The following PRPSAP1 variants were observed in gnomAD, a reference collection of about 807,000 sequenced individuals.
The protein encoded by PRPSAP1 is phosphoribosyl pyrophosphate synthetase associated protein 1, also known as phosphoribosyl pyrophosphate synthase-associated protein 1.
In PRPSAP1, 31 loss-of-function variants were observed where a neutral mutation model predicts 39.4. The ratio of observed to expected loss-of-function variants is 0.79; its 90% CI spans 0.59 to 1.06. PRPSAP1 has a LOEUF of 1.06. Ranked by LOEUF, PRPSAP1 falls within the 50% of genes least tolerant of loss-of-function variation. The pLI, the probability that PRPSAP1 is intolerant of heterozygous loss-of-function variation, is 0.00. For missense variants in PRPSAP1, 430 were observed against 511.6 expected (o/e 0.84, Z 1.54); for synonymous variants, 212 against 192.6 (o/e 1.10, Z -0.83).
chr17:76,333,087 T>G (rs925378681), intron 3 of PRPSAP1, among the ~76,000 whole-genome samples: 3 of 151,564 alleles, frequency 2.0e-5, no homozygotes, highest in African/African-American at 7.3e-5. Flanking sequence ...GAGACGGGGT[T>G]TCACCATGTT....
intron 3 of PRPSAP1, among the ~76,000 whole-genome samples, chr17:76,333,515 C>T (rs1048722551): frequency 2.0e-5 from 3 of 151,886 alleles, no homozygotes; most frequent in Admixed American, 6.6e-5. Flanking sequence ...TGTGGTGGCA[C>T]GTGCCTGTAG....
At chr17:76,331,402 A>G (rs944632503) in intron 4 of PRPSAP1, among the ~76,000 whole-genome samples, 1 of 152,206 alleles carries the variant, frequency 6.6e-6, no homozygotes, top group African/African-American at 2.4e-5. Flanking sequence ...CGAAACACAG[A>G]CTGAAAAGGT....
At chr17:76,327,150 C>T (rs959067371) in intron 7 of PRPSAP1, among the ~76,000 whole-genome samples, 9 of 147,058 alleles carry the variant, frequency 6.1e-5, no homozygotes, top group Non-Finnish European at 1.5e-5. Context: ...CAGCTCGAGA[C>T]CAGCCTGACC....
At chr17:76,329,746 C>A (rs1330502494) in intron 6 of PRPSAP1, among the ~76,000 whole-genome samples, 1,526 of 141,604 alleles carry the variant, frequency 0.011, 31 homozygotes, top group African/African-American at 0.037. Context: ...AAAAAAAAAA[C>A]AAAAAAAAAA....
rs1038985430 is a variant in PRPSAP1, at chr17:76,329,574, A to C, written c.635+469T>G. 6.1e-4 allele frequency among the ~76,000 whole-genome samples: 92 copies of C among 152,062 alleles called. 2 individuals are homozygous for C. The highest frequency in any genetic ancestry group is 1.6e-4 in the Non-Finnish European group (11 of 67,998). On this transcript the variant is annotated intron_variant, in intron 6 of 9. Coordinates refer to ENST00000446526, the MANE Select transcript of PRPSAP1 (RefSeq NM_002766.3). ...ACATGGTGAAACCCCATCTCTACTA[A>C]AAATACAAAAAACTAGCCAGGAGTG...
rs192169656 is a variant in PRPSAP1, at chr17:76,353,867, A to T, written c.-164T>A. On this transcript the variant is annotated 5_prime_UTR_variant, in exon 1 of 10. Coordinates refer to ENST00000446526, the MANE Select transcript of PRPSAP1 (RefSeq NM_002766.3). ...TTGCGCACCCCACACCACTGACTAC[A>T]GCGGCCGAGCCTTCGCAGCGCCCGG... The T allele has an allele frequency of 3.2e-4, 426 of 1,320,360 alleles. 1 individual carries two copies. The African/African-American group carries it at 5.4e-3, about 17-fold the overall frequency. 81.8% of individuals were successfully genotyped at this position (1,320,360 alleles called of 1,614,324 possible).
At chr17:76,352,192 ACT>A (rs1221403544) in intron 1 of PRPSAP1, among the ~76,000 whole-genome samples, 1 of 152,144 alleles carries the variant, frequency 6.6e-6, no homozygotes, top group East Asian at 1.9e-4. Flanking sequence ...TAACGAAGTA[ACT>A]CTATGAAAAC....
chr17:76,322,609 G>C (rs2071209721), intron 7 of PRPSAP1, among the ~76,000 whole-genome samples: 1 of 152,182 alleles, frequency 6.6e-6, no homozygotes, highest in African/African-American at 2.4e-5. Flanking sequence ...TACAGGCTGA[G>C]GCGGGAGGAT....
At position 76,329,861 on chromosome 17, in the gene PRPSAP1, G is replaced by T. The variant is rs1424142746; in HGVS notation, c.635+182C>A. On this transcript the variant is annotated intron_variant, in intron 6 of 9. Coordinates refer to ENST00000446526, the MANE Select transcript of PRPSAP1 (RefSeq NM_002766.3). ...AAGCTGAGCAACTCAGCGATCATGT[G>T]TGCTGTCTGGAGGCTGGAGATAAAG... Among the ~76,000 whole-genome samples the T allele has an allele frequency of 2.0e-5, 3 of 152,110 alleles. No individual in the cohort carries two copies. The East Asian group carries it at 5.8e-4, about 29-fold the overall frequency.
intron 7 of PRPSAP1, among the ~76,000 whole-genome samples, chr17:76,325,969 C>G (rs1240256341): frequency 6.6e-6 from 1 of 152,086 alleles, no homozygotes; most frequent in Non-Finnish European, 1.5e-5. Flanking sequence ...GGTTTTTAGA[C>G]ACAATGATAT....
intron 2 of PRPSAP1, among the ~76,000 whole-genome samples, chr17:76,345,497 G>A (rs551956666): frequency 1.3e-5 from 2 of 151,572 alleles, no homozygotes; most frequent in Admixed American, 6.6e-5. Flanking sequence ...ATGGTGACAA[G>A]TGCCTGTAGT....
At chr17:76,350,812 C>T (rs569682447) in intron 1 of PRPSAP1, among the ~76,000 whole-genome samples, 1 of 152,296 alleles carries the variant, frequency 6.6e-6, no homozygotes, top group African/African-American at 2.4e-5. Flanking sequence ...GTAGGTGGAT[C>T]ACCTGAAGTT....
At chr17:76,330,388 T>C in intron 5 of PRPSAP1, 163 bp downstream of exon 5, 1 of 629,468 alleles carries the variant, frequency 1.6e-6, no homozygotes, top group Non-Finnish European at 2.7e-6. Flanking sequence ...CTTTTAAAGC[T>C]ATGATCGTCC....
chr17:76,313,967 C>A lies in PRPSAP1; in HGVS notation c.782-76G>T. ...AGAAATGTAATCACAACCTAATTCC[C>A]TGGAAATGGTGGCAAAACCACTATA... On this transcript the variant is annotated intron_variant, in intron 7 of 9. Coordinates refer to ENST00000446526, the MANE Select transcript of PRPSAP1 (RefSeq NM_002766.3). 3 of 1,518,328 alleles carry A rather than the reference C, an allele frequency of 2.0e-6. No individual in the cohort carries two copies. In the East Asian group the frequency reaches 7.0e-5, roughly 35 times the overall value. 94.1% of individuals were successfully genotyped at this position (1,518,328 alleles called of 1,614,324 possible).
Position 76,311,589 on chromosome 17 carries a change from C to T in PRPSAP1, c.1111G>A (p.Gly371Arg). ...CGGAAAAGGTAGGCCATGGACTCTC[C>T]ATTGTGGATTCTCCGAATGGCTTCA... Reference protein sequence around the residue: ...LSEAIRRIHNGESMAYLFRNI... With the variant: ...LSEAIRRIHNRESMAYLFRNI... The change falls in exon 10 of 10, where the codon GGA (glycine) becomes AGA (arginine). Residue 371 changes from glycine (G) to arginine (R), a missense_variant. Coordinates refer to ENST00000446526, the MANE Select transcript of PRPSAP1 (RefSeq NM_002766.3). 1 of 1,614,198 alleles carries T rather than the reference C, an allele frequency of 6.2e-7. No individual in the cohort carries two copies. Among genetic ancestry groups the T allele is most frequent in the Admixed American group, 1.7e-5 (1 of 60,016 alleles).
At chr17:76,320,325 A>AGGAAGGG (rs2071178900) in intron 7 of PRPSAP1, among the ~76,000 whole-genome samples, 1 of 126,886 alleles carries the variant, frequency 7.9e-6, no homozygotes, top group African/African-American at 3.3e-5. Context: ...GGAAGGGAAG[A>AGGAAGGG]AGGGAGGGAG....
chr17:76,335,017 G>T (rs1020779360), intron 3 of PRPSAP1, among the ~76,000 whole-genome samples: 2 of 152,192 alleles, frequency 1.3e-5, no homozygotes, highest in African/African-American at 4.8e-5. Flanking sequence ...GACCACTCTC[G>T]AGGTACTCAT....
At chr17:76,313,099 C>T in intron 8 of PRPSAP1, 83 bp from the exon 9 acceptor site, 1 of 1,448,868 alleles carries the variant, frequency 6.9e-7, no homozygotes, top group Non-Finnish European at 9.2e-7. Context: ...CTACTCTCTT[C>T]TGCACTCAGT....
At chr17:76,317,200 A>G (rs2071133476) in intron 7 of PRPSAP1, among the ~76,000 whole-genome samples, 1 of 152,180 alleles carries the variant, frequency 6.6e-6, no homozygotes, top group African/African-American at 2.4e-5. Flanking sequence ...AAATATAAAA[A>G]TTAGCCAGGC....
Sources: allele counts gnomAD v4.1 joint callset (sites outside exome capture counted in the v4.1 genomes callset), GRCh38; gene constraint gnomAD v4.1.1; transcripts MANE v1.5; gene names NCBI Gene and HGNC (gene_info 2026-07-23, HGNC 2026-07-21).